PTK7: variants seen among roughly 807,000 people sequenced by gnomAD.
PTK7 encodes the protein inactive tyrosine-protein kinase 7.
In PTK7, 39 loss-of-function variants were observed where a neutral mutation model predicts 116.6. The ratio of observed to expected loss-of-function variants is 0.33; its 90% CI spans 0.26 to 0.44. The LOEUF is 0.44. Among genes scored for constraint, PTK7 ranks in the 20% least tolerant of loss-of-function variants. The pLI is 1.00. For synonymous variants in PTK7, 546 were observed against 563.6 expected (o/e 0.97, Z 0.44); for missense variants, 1,169 against 1,425.6 (o/e 0.82, Z 2.90).
intron 1 of PTK7, among the ~76,000 whole-genome samples, chr6:43,102,233 C>T (rs1767623234): frequency 6.6e-6 from 1 of 151,916 alleles, no homozygotes; most frequent in African/African-American, 2.4e-5. Flanking sequence ...GAGACCAGCC[C>T]GACCAATACA....
intron 1 of PTK7, among the ~76,000 whole-genome samples, chr6:43,095,518 G>A (rs1013620494): frequency 7.2e-5 from 11 of 152,152 alleles, no homozygotes; most frequent in Admixed American, 5.9e-4. Flanking sequence ...TTCTTTCTGC[G>A]TTGTCACTGA....
chr6:43,112,407 T>C (rs1768245620), intron 1 of PTK7, among the ~76,000 whole-genome samples: 1 of 151,998 alleles, frequency 6.6e-6, no homozygotes, highest in African/African-American at 2.4e-5. Flanking sequence ...TAGCTGGGAC[T>C]ACTTGGGAGT....
Position 43,141,772 on chromosome 6 carries a change from G to A in PTK7, c.1723G>A (p.Gly575Arg), listed in dbSNP as rs766549934. 24 of 1,613,974 alleles carry A rather than the reference G, an allele frequency of 1.5e-5. No individual in the cohort carries two copies. In the East Asian group the frequency reaches 1.6e-4, roughly 10 times the overall value. ...AGNYTCIASN[G>R]PQGQIRAHVQ... ...CAACTACACTTGCATTGCCTCCAAC[G>A]GGCCGCAGGGCCAGATTCGTGCCCA... The change falls in exon 11 of 20, where the codon GGG (glycine) becomes AGG (arginine). Residue 575 changes from glycine to arginine, a missense_variant. Around this residue, in one of 3 missense-constraint regions of PTK7, gnomAD observed 678 missense variants for 853.8 expected, o/e 0.79. Transcript: ENST00000230419. This position sits in a 1 kb window ranked among gnomAD's most constrained non-coding sequence, Gnocchi z 4.9.
At chr6:43,106,595 G>A (rs1055537030) in intron 1 of PTK7, among the ~76,000 whole-genome samples, 8 of 147,832 alleles carry the variant, frequency 5.4e-5, no homozygotes, top group South Asian at 2.2e-4. Context: ...CACCACACCC[G>A]CCCCTTTCCT....
Position 43,139,607 on chromosome 6 carries a change from G to T in PTK7, c.1618+82G>T, listed in dbSNP as rs529856736. 4 of 1,570,306 alleles carry T rather than the reference G, an allele frequency of 2.5e-6. No homozygotes were observed. Among genetic ancestry groups the T allele is most frequent in the South Asian group, 2.3e-5 (2 of 85,904 alleles). On this transcript the variant is annotated intron_variant, in intron 10 of 19. Coordinates refer to ENST00000230419, the MANE Select transcript of PTK7 (RefSeq NM_002821.5). This position sits in a 1 kb window ranked among gnomAD's most constrained non-coding sequence, Gnocchi z 4.6. ...ATACCTGAGGGCTGCTGGGTGCCCCGCACTGTGCCAGGAAATGTGGAGATT... is the reference window on the plus strand; with the variant it reads ...ATACCTGAGGGCTGCTGGGTGCCCCTCACTGTGCCAGGAAATGTGGAGATT...
chr6:43,128,329 G>A (rs6930764), intron 1 of PTK7, among the ~76,000 whole-genome samples: 78,045 of 152,058 alleles, frequency 0.51, 21,506 homozygotes, highest in African/African-American at 0.73. Flanking sequence ...GCCCTTAGGG[G>A]TCCCTTCTTC....
At chr6:43,083,874 G>A (rs186274890) in intron 1 of PTK7, among the ~76,000 whole-genome samples, 121 of 152,256 alleles carry the variant, frequency 7.9e-4, no homozygotes, top group African/African-American at 2.8e-3. Flanking sequence ...GTCCCGAGTC[G>A]CAGGGTAGGG....
chr6:43,129,435 TATTTTTTCCAAA>T lies in PTK7; in HGVS notation c.367+181_367+192del. On this transcript the variant is annotated intron_variant, in intron 2 of 19. Coordinates refer to ENST00000230419, the MANE Select transcript of PTK7 (RefSeq NM_002821.5). This position sits in a 1 kb window ranked among gnomAD's most constrained non-coding sequence, Gnocchi z 4.5. ...GTGGATAAGAGGAAATTAAAAGTTATATTTTTTCCAAAATTTTTTCCTTCAAGTCTGGGACCC... is the reference window on the plus strand; with the variant it reads ...GTGGATAAGAGGAAATTAAAAGTTATATTTTTTCCTTCAAGTCTGGGACCC... The T allele has an allele frequency of 2.0e-6, 2 of 1,022,692 alleles. No individual in the cohort carries two copies. Among genetic ancestry groups the T allele is most frequent in the Non-Finnish European group, 1.4e-6 (1 of 715,648 alleles). The allele number at this position is 1,022,692 out of a possible 1,614,324, so 63.4% of individuals were successfully genotyped here. A position where few individuals can be genotyped will look rare whatever the true frequency, so the allele number is the denominator to read the frequency against.
Position 43,141,499 on chromosome 6 carries a change from G to A in PTK7, c.1619-169G>A, listed in dbSNP as rs1490339442. Among the ~76,000 whole-genome samples, 1 of 152,158 alleles carries A rather than the reference G, an allele frequency of 6.6e-6. No individual in the cohort carries two copies. Among genetic ancestry groups the A allele is most frequent in the Admixed American group, 6.5e-5 (1 of 15,278 alleles). ...GAGGTGAGACTGAAGAATTGGAAGA[G>A]GGGTAAATAACGGAGGGGCTTCTAA... is the stretch of plus-strand genomic sequence containing the variant. On this transcript the variant is annotated intron_variant, in intron 10 of 19. Transcript: ENST00000230419. This position sits in a 1 kb window ranked among gnomAD's most constrained non-coding sequence, Gnocchi z 4.9.
chr6:43,076,336 T>G lies in PTK7; in HGVS notation c.-153T>G. The G allele has an allele frequency of 3.1e-6, 1 of 321,198 alleles. No individual in the cohort carries two copies. The highest frequency in any genetic ancestry group is 5.0e-6 in the Non-Finnish European group (1 of 200,500). The allele number at this position is 321,198 out of a possible 1,614,324, so 19.9% of individuals were successfully genotyped here. ...GGTACTGGGCGCGCGCGGCTCCGGC[T>G]CGGGACGCCTCGGGACGCCTCGGGG... On this transcript the variant is annotated 5_prime_UTR_variant, in exon 1 of 20. Coordinates refer to ENST00000230419, the MANE Select transcript of PTK7 (RefSeq NM_002821.5). The surrounding 1 kb of genome is among the most constrained non-coding windows in gnomAD (Gnocchi z 5.7).
In PTK7 at chr6:43,076,884, A is replaced by T; in HGVS notation, c.79+317A>T. ...GAGAGTTGCTGGCTCTCGGGCCCAGATGGGGAGTTTCTTGTCGGGGGAGAA... is the reference window on the plus strand; with the variant it reads ...GAGAGTTGCTGGCTCTCGGGCCCAGTTGGGGAGTTTCTTGTCGGGGGAGAA... On this transcript the variant is annotated intron_variant, in intron 1 of 19. Coordinates refer to ENST00000230419, the MANE Select transcript of PTK7 (RefSeq NM_002821.5). The surrounding 1 kb of genome is among the most constrained non-coding windows in gnomAD (Gnocchi z 5.7). The T allele has an allele frequency of 6.7e-7, 1 of 1,502,228 alleles. No individual in the cohort carries two copies. The highest frequency in any genetic ancestry group is 1.2e-5 in the South Asian group (1 of 81,974). The allele number at this position is 1,502,228 out of a possible 1,614,324, so 93.1% of individuals were successfully genotyped here.
At chr6:43,121,058 T>G (rs948095015) in intron 1 of PTK7, among the ~76,000 whole-genome samples, 5 of 41,652 alleles carry the variant, frequency 1.2e-4, no homozygotes, top group African/African-American at 1.2e-3. Context: ...ATGTTTCTGT[T>G]TTTTTTTTTT....
intron 1 of PTK7, among the ~76,000 whole-genome samples, chr6:43,118,475 G>A (rs531941515): frequency 2.4e-4 from 36 of 151,722 alleles, no homozygotes; most frequent in African/African-American, 8.0e-4. Context: ...GGCGGGGGTT[G>A]CAGTGAGCTG....
chr6:43,099,199 G>A (rs981826220), intron 1 of PTK7, among the ~76,000 whole-genome samples: 3 of 150,168 alleles, frequency 2.0e-5, no homozygotes, highest in African/African-American at 7.3e-5. Context: ...AAAAAAAGAG[G>A]CTTTAATTTC....
intron 7 of PTK7, among the ~76,000 whole-genome samples, chr6:43,136,019 C>T (rs990568212): frequency 2.6e-5 from 4 of 152,224 alleles, no homozygotes; most frequent in Admixed American, 2.6e-4. Flanking sequence ...GAAACCCCGT[C>T]TCTACTAAAA....
At chr6:43,140,290 G>A (rs1770317692) in intron 10 of PTK7, among the ~76,000 whole-genome samples, 1 of 151,812 alleles carries the variant, frequency 6.6e-6, no homozygotes, top group African/African-American at 2.4e-5. Flanking sequence ...CGTCTCTACT[G>A]AAAATACAAA....
chr6:43,129,188 C>T lies in PTK7; in HGVS notation c.291C>T (p.Gly97=), dbSNP rs1328381429. The T allele has an allele frequency of 6.2e-7, 1 of 1,614,180 alleles. No individual in the cohort carries two copies. Among genetic ancestry groups the T allele is most frequent in the Non-Finnish European group, 8.5e-7 (1 of 1,180,042 alleles). The change falls in exon 2 of 20, where the codon GGC becomes GGT. Residue 97 remains glycine, a synonymous_variant. Transcript: ENST00000230419. The surrounding 1 kb of genome is among the most constrained non-coding windows in gnomAD (Gnocchi z 4.5). ...FAAVDRLQDS[G]TFQCVARDDV... is the part of the protein sequence containing the mutation. Reference sequence around the variant, plus strand: ...CTGTGGACCGGCTGCAGGACTCTGGCACCTTCCAGTGTGTGGCTCGGGATG... The same window carrying T: ...CTGTGGACCGGCTGCAGGACTCTGGTACCTTCCAGTGTGTGGCTCGGGATG...
chr6:43,106,506 C>G (rs932601429), intron 1 of PTK7, among the ~76,000 whole-genome samples: 8 of 151,792 alleles, frequency 5.3e-5, no homozygotes, highest in Non-Finnish European at 1.2e-4. Flanking sequence ...AGGCTGGTCT[C>G]GAACTCCTGG....
chr6:43,136,086 G>A (rs573187253), intron 7 of PTK7, among the ~76,000 whole-genome samples: 2 of 152,328 alleles, frequency 1.3e-5, no homozygotes, highest in East Asian at 3.9e-4. Flanking sequence ...TACTCAGGAG[G>A]CGGAGGTTGC....
Sources: allele counts gnomAD v4.1 joint callset (sites outside exome capture counted in the v4.1 genomes callset), GRCh38; gene constraint gnomAD v4.1.1; regional missense constraint gnomAD v4.1.1; non-coding constraint Gnocchi (gnomAD v3.1); transcripts MANE v1.5; gene names NCBI Gene and HGNC (gene_info 2026-07-23, HGNC 2026-07-21).